Variants in DCDC1 observed in about 807,000 individuals in gnomAD.
DCDC1 encodes doublecortin domain-containing protein 1.
In DCDC1, 200 loss-of-function variants were observed where a neutral mutation model predicts 178.3. The observed-to-expected ratio is 1.12, with a 90% CI of 1.00 to 1.26. DCDC1 has a LOEUF of 1.26. DCDC1 is among the 50% of genes most tolerant of loss of function. DCDC1 has a pLI of 0.00. For synonymous variants in DCDC1, 690 were observed against 604.8 expected (o/e 1.14, Z -2.07); for missense variants, 1,983 against 1,749.2 (o/e 1.13, Z -2.38).
intron 25 of DCDC1, among the ~76,000 whole-genome samples, chr11:30,919,171 A>T (rs527889623): frequency 6.6e-6 from 1 of 152,140 alleles, no homozygotes; most frequent in Non-Finnish European, 1.5e-5. Context: ...ATAACCCTGT[A>T]TATTAAAAAA....
chr11:31,003,612 A>G (rs1009877183), intron 20 of DCDC1, among the ~76,000 whole-genome samples: 3 of 152,218 alleles, frequency 2.0e-5, no homozygotes, highest in African/African-American at 7.2e-5. Flanking sequence ...AATAAGGAGG[A>G]AAGATTTCTA....
Position 30,878,578 on chromosome 11 carries a change from TA to T in DCDC1, c.*5del. The T allele has an allele frequency of 6.3e-7, 1 of 1,591,012 alleles. No individual in the cohort carries two copies. The highest frequency in any genetic ancestry group is 1.2e-5 in the South Asian group (1 of 86,856). ...ACAGCAGAAAATCCGATGGTTCTGA[TA>T]GGAGTTAATTGTGGAGATGTGCCAG... On this transcript the variant is annotated 3_prime_UTR_variant, in exon 38 of 39. Transcript: ENST00000684477.
intron 20 of DCDC1, among the ~76,000 whole-genome samples, chr11:30,969,834 T>A (rs1357921458): frequency 1.3e-5 from 2 of 152,234 alleles, no homozygotes; most frequent in Non-Finnish European, 2.9e-5. Context: ...TTAAAACTGG[T>A]AATACTTGCA....
chr11:31,237,449 T>C (rs574487049), intron 9 of DCDC1, among the ~76,000 whole-genome samples: 2 of 151,984 alleles, frequency 1.3e-5, no homozygotes, highest in Admixed American at 6.6e-5. Flanking sequence ...TATAGAACTT[T>C]TACATATAAC....
At chr11:30,993,078 G>GA (rs144541028) in intron 20 of DCDC1, among the ~76,000 whole-genome samples, 12,314 of 151,470 alleles carry the variant, frequency 0.081, 727 homozygotes, top group Non-Finnish European at 0.11. Context: ...CACTCCACAT[G>GA]AAAAAAAATT....
chr11:31,241,746 T>C, intron 8 of DCDC1, 130 bp from the exon 9 acceptor site: 1 of 387,818 alleles, frequency 2.6e-6, no homozygotes. Flanking sequence ...GGTTAAGTCT[T>C]AGAGAGGCAA....
chr11:31,334,543 G>A (rs1030470180), intron 2 of DCDC1, among the ~76,000 whole-genome samples: 1 of 152,128 alleles, frequency 6.6e-6, no homozygotes, highest in African/African-American at 2.4e-5. Flanking sequence ...CTTTGATGTT[G>A]GTGACCTACA....
At chr11:31,204,836 A>G (rs1434655234) in intron 9 of DCDC1, among the ~76,000 whole-genome samples, 4 of 152,158 alleles carry the variant, frequency 2.6e-5, no homozygotes, top group African/African-American at 9.7e-5. Context: ...ACAAAACAAA[A>G]CAAGCAAACA....
chr11:31,232,490 T>C (rs1975903983), intron 9 of DCDC1, among the ~76,000 whole-genome samples: 1 of 152,176 alleles, frequency 6.6e-6, no homozygotes, highest in African/African-American at 2.4e-5. Flanking sequence ...TAAGTTTTCA[T>C]TATCTTCCAA....
rs963803023 is a variant in DCDC1 at position 30,921,015 on chromosome 11, T to C, written c.3134-80A>G. 66 of 1,414,504 alleles carry C rather than the reference T, an allele frequency of 4.7e-5. 1 individual carries two copies. The highest frequency in any genetic ancestry group is 5.8e-5 in the Non-Finnish European group (61 of 1,051,370). The allele number at this position is 1,414,504 out of a possible 1,614,324, so 87.6% of individuals were successfully genotyped here. A position where few individuals can be genotyped will look rare whatever the true frequency, so the allele number is the denominator to read the frequency against. On this transcript the variant is annotated intron_variant, in intron 24 of 38. Transcript: ENST00000684477. ...AGGAATTTAAAAACACACACTAAAATACAAATGCAAAATAATTCCATCTAT... is the reference window on the plus strand; with the variant it reads ...AGGAATTTAAAAACACACACTAAAACACAAATGCAAAATAATTCCATCTAT...
intron 21 of DCDC1, among the ~76,000 whole-genome samples, chr11:30,941,381 C>A (rs1947631724): frequency 6.6e-6 from 1 of 152,140 alleles, no homozygotes; most frequent in South Asian, 2.1e-4. Flanking sequence ...ATGATCAGTA[C>A]CTCCTATTTT....
At chr11:30,870,781 T>C (rs1255099321) in intron 38 of DCDC1, among the ~76,000 whole-genome samples, 1 of 152,132 alleles carries the variant, frequency 6.6e-6, no homozygotes, top group African/African-American at 2.4e-5. Flanking sequence ...GCTTAGAAAA[T>C]AACATCAAGG....
chr11:30,993,699 A>G (rs894472768), intron 20 of DCDC1, among the ~76,000 whole-genome samples: 1 of 152,174 alleles, frequency 6.6e-6, no homozygotes, highest in Non-Finnish European at 1.5e-5. Flanking sequence ...GCCCATATAT[A>G]TGACAAATTA....
At chr11:31,078,051 T>C (rs562474973) in intron 17 of DCDC1, 126 bp from the exon 18 acceptor site, 1 of 649,374 alleles carries the variant, frequency 1.5e-6, no homozygotes, top group Non-Finnish European at 2.8e-6. Context: ...CCAAAGATTC[T>C]GCCACCATCA....
chr11:30,922,690 T>G, intron 23 of DCDC1, 52 bp from the exon 24 acceptor site: 1 of 1,421,874 alleles, frequency 7.0e-7, no homozygotes, highest in Non-Finnish European at 9.2e-7. Context: ...AGCAGCATTA[T>G]CTGTAATAAT....
rs1961847816 is a variant in DCDC1 at position 31,127,727 on chromosome 11, G to A, written c.1315-88C>T. 3 of 638,668 alleles carry A rather than the reference G, an allele frequency of 4.7e-6. No homozygotes were observed. In the South Asian group the frequency reaches 5.4e-5, roughly 12 times the overall value. The allele number at this position is 638,668 out of a possible 1,614,324, so 39.6% of individuals were successfully genotyped here. A position where few individuals can be genotyped will look rare whatever the true frequency, so the allele number is the denominator to read the frequency against. ...ATTTTTGAGTACCTAGCTTGATGGG[G>A]GGAAAATGACTTCAATACAGGAATT... On this transcript the variant is annotated intron_variant, in intron 10 of 38. Coordinates refer to ENST00000684477, the MANE Select transcript of DCDC1 (RefSeq NM_001387274.1).
At chr11:31,151,025 G>C (rs926344350) in intron 9 of DCDC1, among the ~76,000 whole-genome samples, 1 of 152,184 alleles carries the variant, frequency 6.6e-6, no homozygotes, top group South Asian at 2.1e-4. Flanking sequence ...AGAGAAAAGG[G>C]TGGGATACTC....
At chr11:31,221,983 C>T (rs752487656) in intron 9 of DCDC1, among the ~76,000 whole-genome samples, 14 of 152,130 alleles carry the variant, frequency 9.2e-5, no homozygotes, top group Non-Finnish European at 1.5e-4. Context: ...CTACCTTCTG[C>T]GAAACACTAG....
In DCDC1 at chr11:30,916,949, C is replaced by T. The variant is rs1396282529; in HGVS notation, c.3373G>A (p.Asp1125Asn). 2 of 1,610,340 alleles carry T rather than the reference C, an allele frequency of 1.2e-6. No individual in the cohort carries two copies. Among genetic ancestry groups the T allele is most frequent in the South Asian group, 2.2e-5 (2 of 89,810 alleles). ...PRYAWQETSHDFDEDDSLPKK... is the reference protein window; with the variant it reads ...PRYAWQETSHNFDEDDSLPKK... ...GGAAGACTGTCATCCTCATCAAAGT[C>T]ATGTGAAGTTTCCTGCCAGGCATAC... is the stretch of plus-strand genomic sequence containing the variant. The change falls in exon 26 of 39, where the codon GAC (aspartate) becomes AAC (asparagine). Residue 1125 changes from aspartate (D) to asparagine (N), a missense_variant. Physicochemically the swap from Asp to Asn is conservative, Grantham distance 23 (BLOSUM62 1). Coordinates refer to ENST00000684477, the MANE Select transcript of DCDC1 (RefSeq NM_001387274.1).
Sources: gnomAD v4.1 joint callset for allele counts (sites outside exome capture counted in the v4.1 genomes callset) on GRCh38, gnomAD v4.1.1 for gene constraint, MANE v1.5 for transcripts, NCBI Gene and HGNC (gene_info 2026-07-23, HGNC 2026-07-21) for gene names.